IQCM: variants seen among roughly 807,000 people sequenced by gnomAD.
IQCM encodes IQ domain-containing protein M.
IQCM carries 45 observed loss-of-function variants against 57.6 expected under a neutral mutation model. That is an observed-to-expected ratio of 0.78 (90% CI 0.62 to 1.00). IQCM has a LOEUF of 1.00. Ranked by LOEUF, IQCM falls within the 50% of genes least tolerant of loss-of-function variation. IQCM has a pLI of 0.00. For synonymous variants in IQCM, 148 were observed against 158.9 expected, an observed-to-expected ratio of 0.93 and a Z score of 0.51; for missense variants, 468 against 511.6, an observed-to-expected ratio of 0.91 and a Z score of 0.82.
At chr4:149,645,761 C>A (rs1758580202) in intron 7 of IQCM, among the ~76,000 whole-genome samples, 1 of 151,902 alleles carries the variant, frequency 6.6e-6, no homozygotes, top group Non-Finnish European at 1.5e-5. Flanking sequence ...TTCCCAAGGC[C>A]CTTGCAGTAA....
At chr4:149,409,249 G>A (rs1278388111) in intron 13 of IQCM, among the ~76,000 whole-genome samples, 3 of 152,196 alleles carry the variant, frequency 2.0e-5, no homozygotes, top group Non-Finnish European at 2.9e-5. Context: ...CTCTAGGATG[G>A]GTGCAAGGAA....
chr4:149,461,350 G>A lies in IQCM; in HGVS notation c.1229-27793C>T, dbSNP rs186343825. Reference sequence around the variant, plus strand: ...TAACATCTAATGACCACTTTTACAAGGTTATGATATCAATAATTATTTCCC... The same window carrying A: ...TAACATCTAATGACCACTTTTACAAAGTTATGATATCAATAATTATTTCCC... On this transcript the variant is annotated intron_variant, in intron 12 of 13. Transcript: ENST00000636793. 2.0e-5 allele frequency among the ~76,000 whole-genome samples: 3 copies of A among 151,868 alleles called. No homozygotes were observed. The South Asian group carries it at 6.2e-4, about 31-fold the overall frequency.
At chr4:149,700,187 C>T (rs1763659091) in intron 5 of IQCM, among the ~76,000 whole-genome samples, 1 of 152,070 alleles carries the variant, frequency 6.6e-6, no homozygotes, top group East Asian at 1.9e-4. Flanking sequence ...TATAGGCATA[C>T]ACAAAGATTT....
At position 149,746,203 on chromosome 4, in the gene IQCM, A is replaced by G. The variant is rs192378988; in HGVS notation, c.-48-3464T>C. 1.2e-4 allele frequency among the ~76,000 whole-genome samples: 18 copies of G among 152,114 alleles called. No homozygotes were observed. The East Asian group carries it at 3.5e-3, about 29-fold the overall frequency. The stretch of plus-strand genomic sequence containing the variant: ...CTGTCCCTCCACCTCAATCCTCCTA[A>G]CCCTGAATCATACTTTCACCCTTCC... On this transcript the variant is annotated intron_variant, in intron 2 of 13. Coordinates refer to ENST00000636793, the MANE Select transcript of IQCM (RefSeq NM_001363507.2).
chr4:149,418,658 A>G (rs1733918650), intron 13 of IQCM, among the ~76,000 whole-genome samples: 1 of 151,932 alleles, frequency 6.6e-6, no homozygotes, highest in Non-Finnish European at 1.5e-5. Context: ...TCAGGCCAAT[A>G]TCTCTGATGA....
intron 7 of IQCM, among the ~76,000 whole-genome samples, chr4:149,674,372 A>C (rs1285354775): frequency 1.3e-5 from 2 of 152,198 alleles, no homozygotes; most frequent in East Asian, 1.9e-4. Flanking sequence ...TAAAGGATTT[A>C]GTATGAACAA....
chr4:149,727,793 T>C (rs1437419738), intron 5 of IQCM, among the ~76,000 whole-genome samples: 2 of 152,082 alleles, frequency 1.3e-5, no homozygotes, highest in Non-Finnish European at 2.9e-5. Context: ...GTGGCTGCAG[T>C]GCCTGGAATA....
At chr4:149,363,008 C>A (rs914923915) in intron 13 of IQCM, among the ~76,000 whole-genome samples, 2 of 152,192 alleles carry the variant, frequency 1.3e-5, no homozygotes, top group African/African-American at 2.4e-5. Context: ...TTCTTCCTCA[C>A]CTTTTCATAC....
At chr4:149,805,430 TG>T (rs1773986969) in intron 2 of IQCM, among the ~76,000 whole-genome samples, 1 of 152,062 alleles carries the variant, frequency 6.6e-6, no homozygotes, top group African/African-American at 2.4e-5. Flanking sequence ...TTCCATCCTT[TG>T]GGATGGTCAT....
intron 10 of IQCM, among the ~76,000 whole-genome samples, chr4:149,563,133 A>G (rs747393649): frequency 5.3e-5 from 8 of 152,180 alleles, no homozygotes; most frequent in Non-Finnish European, 1.2e-4. Flanking sequence ...AAAGTTGACC[A>G]GGTAGATATT....
At chr4:149,476,845 A>T (rs373520571) in intron 12 of IQCM, among the ~76,000 whole-genome samples, 11 of 152,320 alleles carry the variant, frequency 7.2e-5, no homozygotes, top group African/African-American at 2.6e-4. Context: ...ATCTCAGATC[A>T]GTGGCACTGA....
chr4:149,517,323 T>C (rs1461162102), intron 12 of IQCM, among the ~76,000 whole-genome samples: 1 of 152,186 alleles, frequency 6.6e-6, no homozygotes, highest in Non-Finnish European at 1.5e-5. Context: ...ACTAAGAAAA[T>C]ATCTTCATTG....
intron 2 of IQCM, among the ~76,000 whole-genome samples, chr4:149,768,679 CT>C (rs764836145): frequency 6.6e-6 from 1 of 151,970 alleles, no homozygotes; most frequent in Non-Finnish European, 1.5e-5. Flanking sequence ...TCCCCCACCC[CT>C]AATCAGGGTA....
intron 7 of IQCM, among the ~76,000 whole-genome samples, chr4:149,622,861 A>G (rs576122671): frequency 4.6e-5 from 7 of 152,246 alleles, no homozygotes; most frequent in African/African-American, 1.7e-4. Context: ...AATAAGCAAT[A>G]TCTCATATTT....
chr4:149,357,401 T>C (rs1267240822), intron 13 of IQCM, among the ~76,000 whole-genome samples: 1 of 152,200 alleles, frequency 6.6e-6, no homozygotes, highest in African/African-American at 2.4e-5. Flanking sequence ...TAGCTCTTAT[T>C]ATTTTGAGAT....
chr4:149,735,352 A>G, intron 4 of IQCM, 24 bp downstream of exon 4: 1 of 1,170,366 alleles, frequency 8.5e-7, no homozygotes, highest in Non-Finnish European at 1.1e-6. Context: ...AAAATGTAAC[A>G]TTAGATAAAT....
At chr4:149,426,989 T>A (rs1176357513) in intron 13 of IQCM, among the ~76,000 whole-genome samples, 1 of 151,976 alleles carries the variant, frequency 6.6e-6, no homozygotes, top group African/African-American at 2.4e-5. Context: ...TTAACCAGTA[T>A]AATGCCCCCT....
intron 13 of IQCM, among the ~76,000 whole-genome samples, chr4:149,358,578 A>G (rs1248830628): frequency 6.6e-6 from 1 of 152,082 alleles, no homozygotes; most frequent in Non-Finnish European, 1.5e-5. Flanking sequence ...CTTAATCCTC[A>G]TTTTTGTCAT....
chr4:149,696,099 T>C (rs950977935), intron 5 of IQCM, among the ~76,000 whole-genome samples: 1 of 152,186 alleles, frequency 6.6e-6, no homozygotes, highest in African/African-American at 2.4e-5. Context: ...ACTGGTTGTC[T>C]GCATATATTG....
Sources: allele counts gnomAD v4.1 joint callset (sites outside exome capture counted in the v4.1 genomes callset), GRCh38; gene constraint gnomAD v4.1.1; transcripts MANE v1.5; gene names NCBI Gene and HGNC (gene_info 2026-07-23, HGNC 2026-07-21).